Variants in VIPR1 observed in about 807,000 individuals in gnomAD.
VIPR1 encodes vasoactive intestinal polypeptide receptor 1.
VIPR1 carries 59 observed loss-of-function variants against 58.8 expected under a neutral mutation model. The observed-to-expected ratio is 1.00, with a 90% CI of 0.81 to 1.25. The LOEUF (loss-of-function observed/expected upper bound fraction) is 1.25. VIPR1 is among the 50% of genes most tolerant of loss of function. The pLI, the probability that VIPR1 is intolerant of heterozygous loss-of-function variation, is 0.00. For missense variants in VIPR1, 626 were observed against 602.7 expected (o/e 1.04, Z -0.40); for synonymous variants, 251 against 242.1 (o/e 1.04, Z -0.34).
intron 2 of VIPR1, among the ~76,000 whole-genome samples, chr3:42,518,247 C>G (rs1700732095): frequency 6.6e-6 from 1 of 152,040 alleles, no homozygotes; most frequent in Non-Finnish European, 1.5e-5. Flanking sequence ...GTGAGGCCTA[C>G]AAATGCAGAC....
intron 3 of VIPR1, among the ~76,000 whole-genome samples, chr3:42,524,155 A>G (rs9841214): frequency 0.21 from 31,910 of 152,076 alleles, 4,588 homozygotes; most frequent in African/African-American, 0.4. Context: ...TGTAGGGGGA[A>G]GTCCTCAAAT....
chr3:42,509,280 C>G (rs559593983), intron 1 of VIPR1: 6 of 152,422 alleles, frequency 3.9e-5, no homozygotes, highest in African/African-American at 1.2e-4. Flanking sequence ...TCCTCCTGCC[C>G]TAGTTCTCTG....
At chr3:42,510,878 C>T (rs571186914) in intron 1 of VIPR1, among the ~76,000 whole-genome samples, 11 of 152,064 alleles carry the variant, frequency 7.2e-5, no homozygotes, top group Non-Finnish European at 1.5e-4. Flanking sequence ...GTTGACCCAA[C>T]ACTCTTCTAC....
intron 2 of VIPR1, among the ~76,000 whole-genome samples, chr3:42,517,013 G>T (rs977460418): frequency 6.6e-6 from 1 of 152,214 alleles, no homozygotes; most frequent in Non-Finnish European, 1.5e-5. Flanking sequence ...GCCCAGAATG[G>T]AAGAGGGACT....
At chr3:42,501,255 C>T (rs1699863071), upstream of VIPR1, among the ~76,000 whole-genome samples, 1 of 152,048 alleles carries the variant, frequency 6.6e-6, no homozygotes, top group Non-Finnish European at 1.5e-5. This position sits in a 1 kb window ranked among gnomAD's most constrained non-coding sequence, Gnocchi z 4.8. Context: ...CCCCTCAAGC[C>T]CACCCCATGG....
chr3:42,534,846 A>G (rs1303921374), intron 10 of VIPR1, 129 bp from the exon 11 acceptor site: 6 of 1,228,944 alleles, frequency 4.9e-6, no homozygotes, highest in Non-Finnish European at 6.8e-6. Flanking sequence ...AGAGGAACCT[A>G]CAGTCCATCC....
intron 1 of VIPR1, among the ~76,000 whole-genome samples, chr3:42,509,985 C>T (rs1700287969): frequency 6.6e-6 from 1 of 152,198 alleles, no homozygotes; most frequent in South Asian, 2.1e-4. Context: ...GTGTATCCCC[C>T]ATCCTCAGTC....
chr3:42,525,262 G>T (rs891565950), intron 3 of VIPR1, among the ~76,000 whole-genome samples: 1 of 152,094 alleles, frequency 6.6e-6, no homozygotes, highest in East Asian at 1.9e-4. Context: ...AGTGGACAGT[G>T]CAGCTTGCCT....
intron 3 of VIPR1, among the ~76,000 whole-genome samples, chr3:42,522,105 T>TATATA (rs1700972021): frequency 4.0e-5 from 1 of 24,872 alleles, no homozygotes; most frequent in Non-Finnish European, 6.2e-5. Flanking sequence ...ATATATATTT[T>TATATA]TTTTTTTTTT....
intron 12 of VIPR1, 140 bp from the exon 13 acceptor site, chr3:42,535,950 G>A (rs1435376768): frequency 2.8e-6 from 3 of 1,084,470 alleles, no homozygotes; most frequent in East Asian, 2.7e-5. Flanking sequence ...TGCACCGCCC[G>A]AGGCAGCATA....
intron 1 of VIPR1, among the ~76,000 whole-genome samples, chr3:42,503,219 G>C (rs1427302041): frequency 1.3e-5 from 2 of 152,164 alleles, no homozygotes; most frequent in African/African-American, 4.8e-5. Context: ...GGCCGTTCTT[G>C]TGTGCTGTGA....
chr3:42,508,734 C>T (rs1387583313), intron 1 of VIPR1: 1 of 152,296 alleles, frequency 6.6e-6, no homozygotes, highest in Non-Finnish European at 1.5e-5. Context: ...CTTTTCTGCC[C>T]TTCCTCCTCC....
At chr3:42,494,925 T>A (rs654577) in intron 1 of VIPR1, among the ~76,000 whole-genome samples, 2 of 152,148 alleles carry the variant, frequency 1.3e-5, no homozygotes, top group Admixed American at 1.3e-4. Context: ...CTAAATAATG[T>A]ATAATTCCAA....
At chr3:42,505,949 T>C (rs1185415022) in intron 1 of VIPR1, among the ~76,000 whole-genome samples, 1 of 151,816 alleles carries the variant, frequency 6.6e-6, no homozygotes, top group Non-Finnish European at 1.5e-5. Flanking sequence ...TGAAAGGGGG[T>C]TTGTCTTTCA....
At chr3:42,502,034 CTT>C (rs1699887137), upstream of VIPR1, 1 of 152,278 alleles carries the variant, frequency 6.6e-6, no homozygotes, top group Non-Finnish European at 1.5e-5. Flanking sequence ...AGTCGGGCCT[CTT>C]TCGAGCCCTC....
intron 6 of VIPR1, chr3:42,528,447 C>G (rs759588819): frequency 7.4e-5 from 23 of 309,024 alleles, no homozygotes; most frequent in Non-Finnish European, 1.2e-4. Flanking sequence ...TCCTATGTGG[C>G]CTTGGGGAAC....
At chr3:42,513,924 G>A (rs1700489416) in intron 2 of VIPR1, 70 bp downstream of exon 2, 2 of 1,486,014 alleles carry the variant, frequency 1.3e-6, no homozygotes, top group Non-Finnish European at 1.8e-6. Flanking sequence ...GTCTCAAGCT[G>A]AGATCCAAGT....
chr3:42,515,707 C>T (rs2267535), intron 2 of VIPR1, among the ~76,000 whole-genome samples: 29,786 of 152,200 alleles, frequency 0.2, 3,631 homozygotes, highest in East Asian at 0.38. Flanking sequence ...TCTAGGTATG[C>T]GCTCCTGGCC....
At chr3:42,511,735 A>AAG (rs1421022907) in intron 1 of VIPR1, 2 of 152,160 alleles carry the variant, frequency 1.3e-5, no homozygotes, top group African/African-American at 4.8e-5. Context: ...AATGTGCTCC[A>AAG]AGACAGGCAA....
Sources: allele counts gnomAD v4.1 joint callset (sites outside exome capture counted in the v4.1 genomes callset), GRCh38; gene constraint gnomAD v4.1.1; non-coding constraint Gnocchi (gnomAD v3.1); transcripts MANE v1.5; gene names NCBI Gene and HGNC (gene_info 2026-07-23, HGNC 2026-07-21).